GRID2: variants seen among roughly 807,000 people sequenced by gnomAD.
GRID2 encodes glutamate receptor ionotropic, delta-2.
Under a neutral mutation model 114.8 loss-of-function variants are expected in GRID2, and 33 were observed. The ratio of observed to expected loss-of-function variants is 0.29; its 90% CI spans 0.22 to 0.38. The LOEUF is 0.38. Among genes scored for constraint, GRID2 ranks in the 10% least tolerant of loss-of-function variants. The pLI is 1.00. For synonymous variants in GRID2, 505 were observed against 449.9 expected (o/e 1.12, Z -1.55); for missense variants, 1,184 against 1,257.7 (o/e 0.94, Z 0.89).
At chr4:92,532,760 G>A (rs1033565917) in intron 1 of GRID2, among the ~76,000 whole-genome samples, 6 of 152,052 alleles carry the variant, frequency 3.9e-5, no homozygotes, top group African/African-American at 1.4e-4. Flanking sequence ...GATGTCTAGG[G>A]TATTTTGCCA....
At chr4:93,238,647 A>C (rs1280600177) in intron 8 of GRID2, among the ~76,000 whole-genome samples, 157 bp downstream of exon 8, 2 of 151,832 alleles carry the variant, frequency 1.3e-5, no homozygotes, top group African/African-American at 2.4e-5. Flanking sequence ...AAATGACTTT[A>C]AATATTTACC....
intron 1 of GRID2, among the ~76,000 whole-genome samples, chr4:92,305,454 G>A (rs947807479): frequency 6.6e-6 from 1 of 152,152 alleles, no homozygotes; most frequent in African/African-American, 2.4e-5. Context: ...ACCCCGGGGC[G>A]CTTGGGAAAC....
chr4:92,354,582 A>T (rs1177423366), intron 1 of GRID2, among the ~76,000 whole-genome samples: 1 of 151,836 alleles, frequency 6.6e-6, no homozygotes, highest in Non-Finnish European at 1.5e-5. Context: ...TCTGGGTATT[A>T]TTTTGTTTTT....
intron 2 of GRID2, among the ~76,000 whole-genome samples, chr4:92,679,292 C>T (rs929491280): frequency 6.6e-6 from 1 of 151,982 alleles, no homozygotes; most frequent in African/African-American, 2.4e-5. Context: ...GAACATCTTT[C>T]TAGCTTGTAA....
chr4:93,202,672 T>G (rs1348075864), intron 4 of GRID2, among the ~76,000 whole-genome samples: 1 of 152,140 alleles, frequency 6.6e-6, no homozygotes, highest in Admixed American at 6.5e-5. Flanking sequence ...ATCAACATTA[T>G]TTAAAACTAT....
chr4:92,641,014 C>T (rs62309172), intron 2 of GRID2, among the ~76,000 whole-genome samples: 8,465 of 151,016 alleles, frequency 0.056, 301 homozygotes, highest in East Asian at 0.16. Context: ...AGAATAAGGA[C>T]GACAAAAGAA....
At chr4:92,502,464 A>T (rs1177179536) in intron 1 of GRID2, among the ~76,000 whole-genome samples, 2 of 152,068 alleles carry the variant, frequency 1.3e-5, no homozygotes, top group South Asian at 4.1e-4. Flanking sequence ...GTTTCAAGGT[A>T]GTTTGATTAA....
At chr4:92,854,844 A>G (rs1304684466) in intron 2 of GRID2, among the ~76,000 whole-genome samples, 2 of 152,012 alleles carry the variant, frequency 1.3e-5, no homozygotes, top group Admixed American at 1.3e-4. Flanking sequence ...TAGTTTATAG[A>G]ACAATGTCTT....
chr4:92,933,449 A>C (rs1750395109), intron 2 of GRID2, among the ~76,000 whole-genome samples: 1 of 151,548 alleles, frequency 6.6e-6, no homozygotes, highest in African/African-American at 2.4e-5. Context: ...AATGTATTTG[A>C]ATACTGAAGG....
At chr4:92,376,422 T>G (rs1192979028) in intron 1 of GRID2, among the ~76,000 whole-genome samples, 4 of 152,192 alleles carry the variant, frequency 2.6e-5, no homozygotes, top group African/African-American at 9.6e-5. Flanking sequence ...CCCATGGCTT[T>G]GCAGGGTATA....
chr4:93,665,515 G>T (rs1723870974), intron 14 of GRID2, among the ~76,000 whole-genome samples: 1 of 152,244 alleles, frequency 6.6e-6, no homozygotes, highest in African/African-American at 2.4e-5. Flanking sequence ...TTACAAAGCT[G>T]GTTCACACAA....
intron 1 of GRID2, among the ~76,000 whole-genome samples, chr4:92,359,758 C>T (rs1480176593): frequency 1.3e-5 from 2 of 151,874 alleles, no homozygotes; most frequent in Non-Finnish European, 2.9e-5. Flanking sequence ...GCTTGGGAGG[C>T]CAGCATGGTC....
chr4:92,942,140 T>G (rs570588683), intron 2 of GRID2, among the ~76,000 whole-genome samples: 3 of 152,048 alleles, frequency 2.0e-5, no homozygotes, highest in Non-Finnish European at 4.4e-5. Flanking sequence ...CTTTCTGTCT[T>G]GTTGATCTGT....
At chr4:93,248,176 A>G (rs1182116800) in intron 8 of GRID2, among the ~76,000 whole-genome samples, 1 of 152,172 alleles carries the variant, frequency 6.6e-6, no homozygotes, top group Admixed American at 6.6e-5. Flanking sequence ...GAACAACCTA[A>G]TTCCTAGTTT....
At chr4:93,136,441 G>A (rs1027376587) in intron 4 of GRID2, among the ~76,000 whole-genome samples, 3 of 152,056 alleles carry the variant, frequency 2.0e-5, no homozygotes, top group Non-Finnish European at 2.9e-5. Flanking sequence ...GCCTTCCGAG[G>A]CAGCTGGATG....
At chr4:93,347,003 G>C (rs1760306411) in intron 8 of GRID2, among the ~76,000 whole-genome samples, 1 of 152,074 alleles carries the variant, frequency 6.6e-6, no homozygotes, top group Non-Finnish European at 1.5e-5. Flanking sequence ...CATCTTCAGG[G>C]TTAGTGGTAA....
chr4:93,177,225 T>C (rs751547109), intron 4 of GRID2, among the ~76,000 whole-genome samples: 9 of 151,298 alleles, frequency 5.9e-5, no homozygotes, highest in Admixed American at 6.6e-5. Flanking sequence ...AAATGAGGAA[T>C]TGAAAAAACT....
intron 2 of GRID2, among the ~76,000 whole-genome samples, chr4:92,654,122 G>T (rs563281275): frequency 8.5e-5 from 13 of 152,126 alleles, no homozygotes; most frequent in Middle Eastern, 3.4e-3. Context: ...AAACACCACA[G>T]ACTGTGTGGC....
At chr4:93,446,082 A>G (rs1722063624) in intron 10 of GRID2, among the ~76,000 whole-genome samples, 1 of 152,048 alleles carries the variant, frequency 6.6e-6, no homozygotes, top group South Asian at 2.1e-4. Flanking sequence ...TGCAGAAAAG[A>G]GCAGGGTATT....
Sources: gnomAD v4.1 joint callset for allele counts (sites outside exome capture counted in the v4.1 genomes callset) on GRCh38, gnomAD v4.1.1 for gene constraint, MANE v1.5 for transcripts, NCBI Gene and HGNC (gene_info 2026-07-23, HGNC 2026-07-21) for gene names.